Variants in IMMP2L observed in about 807,000 individuals in gnomAD.
The protein encoded by IMMP2L is inner mitochondrial membrane peptidase subunit 2.
A neutral mutation model predicts 19.3 loss-of-function variants in IMMP2L; 18 were observed. The ratio of observed to expected loss-of-function variants is 0.93; its 90% confidence interval spans 0.64 to 1.38. IMMP2L has a LOEUF of 1.38. Among genes scored for constraint, IMMP2L ranks in the 40% most tolerant of loss-of-function variants. IMMP2L has a pLI of 0.00. For synonymous variants in IMMP2L, 76 were observed against 73.0 expected, an observed-to-expected ratio of 1.04 and a Z score of -0.21; for missense variants, 233 against 218.2, an observed-to-expected ratio of 1.07 and a Z score of -0.43.
chr7:110,825,241 C>T (rs1477236210), intron 5 of IMMP2L, among the ~76,000 whole-genome samples: 5 of 152,072 alleles, frequency 3.3e-5, no homozygotes, highest in South Asian at 2.1e-4. Flanking sequence ...GAATCAATAT[C>T]GTGAAAATGG....
intron 5 of IMMP2L, among the ~76,000 whole-genome samples, chr7:110,819,360 A>G (rs947053032): frequency 6.6e-6 from 1 of 152,024 alleles, no homozygotes; most frequent in Non-Finnish European, 1.5e-5. Context: ...AGCAGTTTCT[A>G]TATGATATGA....
At chr7:110,991,941 G>A (rs901698454) in intron 3 of IMMP2L, among the ~76,000 whole-genome samples, 1 of 152,012 alleles carries the variant, frequency 6.6e-6, no homozygotes, top group African/African-American at 2.4e-5. Context: ...CCTGGAAAAG[G>A]CTACTCAATT....
At chr7:110,873,178 G>A (rs1044223195) in intron 5 of IMMP2L, among the ~76,000 whole-genome samples, 3 of 152,078 alleles carry the variant, frequency 2.0e-5, no homozygotes, top group Non-Finnish European at 4.4e-5. Flanking sequence ...CACCTTGGGA[G>A]GCCAAGACAT....
At chr7:111,170,483 C>T (rs894001006) in intron 3 of IMMP2L, among the ~76,000 whole-genome samples, 4 of 151,802 alleles carry the variant, frequency 2.6e-5, no homozygotes, top group Admixed American at 1.3e-4. Context: ...TAGGAGCCCA[C>T]AATACAATAG....
intron 5 of IMMP2L, among the ~76,000 whole-genome samples, chr7:110,666,110 T>C (rs1791434524): frequency 6.6e-6 from 1 of 152,164 alleles, no homozygotes; most frequent in African/African-American, 2.4e-5. Flanking sequence ...TGTCTTAAGT[T>C]TGGCCAGTGG....
intron 1 of IMMP2L, among the ~76,000 whole-genome samples, chr7:111,552,082 C>A: frequency 6.6e-6 from 1 of 151,954 alleles, no homozygotes; most frequent in East Asian, 1.9e-4. Flanking sequence ...TACTTCTACA[C>A]CAGAGATGTG....
intron 3 of IMMP2L, among the ~76,000 whole-genome samples, chr7:110,994,842 A>T (rs1451672199): frequency 6.6e-6 from 1 of 152,152 alleles, no homozygotes; most frequent in East Asian, 1.9e-4. Flanking sequence ...AGCAAGAAGG[A>T]GTTAAGCTTT....
intron 3 of IMMP2L, among the ~76,000 whole-genome samples, chr7:110,995,957 A>T (rs1822985168): frequency 6.6e-6 from 1 of 152,174 alleles, no homozygotes. Flanking sequence ...CATGTAATAC[A>T]CATAAGATGC....
intron 5 of IMMP2L, among the ~76,000 whole-genome samples, chr7:110,763,235 G>T (rs1798457342): frequency 6.6e-6 from 1 of 152,144 alleles, no homozygotes; most frequent in South Asian, 2.1e-4. Flanking sequence ...ATTTCAATAT[G>T]CTAGTTATGG....
At chr7:111,350,121 C>T (rs1440717841) in intron 3 of IMMP2L, among the ~76,000 whole-genome samples, 2 of 151,818 alleles carry the variant, frequency 1.3e-5, no homozygotes, top group Admixed American at 1.3e-4. Flanking sequence ...GTGCACGCCA[C>T]CATGCCAGGC....
At chr7:111,398,462 A>G (rs1053410170) in intron 3 of IMMP2L, among the ~76,000 whole-genome samples, 10 of 152,130 alleles carry the variant, frequency 6.6e-5, no homozygotes, top group Non-Finnish European at 1.2e-4. Context: ...ATCGACATAC[A>G]AGGGACATAC....
chr7:111,122,032 G>A (rs917147496), intron 3 of IMMP2L, among the ~76,000 whole-genome samples: 1 of 146,460 alleles, frequency 6.8e-6, no homozygotes, highest in African/African-American at 2.5e-5. Flanking sequence ...TGAACAATGA[G>A]AACACATGGA....
At chr7:111,068,951 T>C (rs1006463916) in intron 3 of IMMP2L, among the ~76,000 whole-genome samples, 1 of 152,166 alleles carries the variant, frequency 6.6e-6, no homozygotes, top group African/African-American at 2.4e-5. Context: ...CACAATAAAG[T>C]AATAGTTCTT....
intron 5 of IMMP2L, among the ~76,000 whole-genome samples, chr7:110,856,690 AAT>A (rs1193958487): frequency 7.9e-5 from 12 of 152,094 alleles, no homozygotes; most frequent in African/African-American, 2.9e-4. Context: ...TTACAAAACC[AAT>A]AGTTATATTT....
intron 5 of IMMP2L, among the ~76,000 whole-genome samples, chr7:110,809,359 T>C (rs1008773650): frequency 6.6e-6 from 1 of 152,004 alleles, no homozygotes; most frequent in Non-Finnish European, 1.5e-5. Context: ...TCAACATATA[T>C]ACATTATTTT....
intron 3 of IMMP2L, among the ~76,000 whole-genome samples, chr7:111,074,840 CAA>C (rs1795251660): frequency 6.6e-6 from 1 of 152,108 alleles, no homozygotes; most frequent in Non-Finnish European, 1.5e-5. Flanking sequence ...TGGCTACGAT[CAA>C]AAAACAGAAA....
intron 4 of IMMP2L, among the ~76,000 whole-genome samples, chr7:110,893,602 G>A (rs1395716595): frequency 6.6e-6 from 1 of 151,966 alleles, no homozygotes; most frequent in African/African-American, 2.4e-5. Context: ...TAAGATTCAG[G>A]GGGTACATGT....
At chr7:111,396,400 C>A (rs961454792) in intron 3 of IMMP2L, among the ~76,000 whole-genome samples, 1 of 152,024 alleles carries the variant, frequency 6.6e-6, no homozygotes, top group African/African-American at 2.4e-5. Context: ...AGCAAACCAA[C>A]AAAGGAACAG....
intron 3 of IMMP2L, among the ~76,000 whole-genome samples, chr7:110,966,520 T>G (rs1257282097): frequency 6.6e-6 from 1 of 152,026 alleles, no homozygotes; most frequent in Non-Finnish European, 1.5e-5. Flanking sequence ...CAACAATGTT[T>G]AAGCTTTTGA....
Sources: allele counts gnomAD v4.1 joint callset (sites outside exome capture counted in the v4.1 genomes callset), GRCh38; gene constraint gnomAD v4.1.1; transcripts MANE v1.5; gene names NCBI Gene and HGNC (gene_info 2026-07-23, HGNC 2026-07-21).